The following JAKMIP2 variants were observed in gnomAD, a reference collection of about 807,000 sequenced individuals.
JAKMIP2 encodes the protein janus kinase and microtubule-interacting protein 2.
JAKMIP2 carries 25 observed loss-of-function variants against 115.0 expected under a neutral mutation model. That is an observed-to-expected ratio of 0.22 (90% CI 0.16 to 0.30). The LOEUF (loss-of-function observed/expected upper bound fraction) is 0.30. JAKMIP2 is among the 10% of genes least tolerant of loss of function. JAKMIP2 has a pLI of 1.00. For missense variants in JAKMIP2, 642 were observed against 957.6 expected, an observed-to-expected ratio of 0.67 and a Z score of 4.35; for synonymous variants, 334 against 343.6, an observed-to-expected ratio of 0.97 and a Z score of 0.31.
intron 21 of JAKMIP2, among the ~76,000 whole-genome samples, chr5:147,596,511 C>A (rs558091341): frequency 6.6e-6 from 1 of 152,146 alleles, no homozygotes; most frequent in African/African-American, 2.4e-5. Context: ...TTGAAAGATA[C>A]GACAACTCTA....
intron 21 of JAKMIP2, 60 bp downstream of exon 21, chr5:147,601,681 A>G: frequency 8.5e-7 from 1 of 1,172,258 alleles, no homozygotes; most frequent in Non-Finnish European, 1.2e-6. Flanking sequence ...AACTATAGGT[A>G]ACATCCTTTT....
At chr5:147,616,384 AC>A (rs1296518008) in intron 19 of JAKMIP2, among the ~76,000 whole-genome samples, 1 of 152,242 alleles carries the variant, frequency 6.6e-6, no homozygotes, top group Non-Finnish European at 1.5e-5. Context: ...TCAGAAATGT[AC>A]TATCAGCACT....
chr5:147,603,527 C>A (rs1755825332), intron 20 of JAKMIP2, among the ~76,000 whole-genome samples: 1 of 152,286 alleles, frequency 6.6e-6, no homozygotes, highest in South Asian at 2.1e-4. Context: ...GTATCTCTGG[C>A]ATACAGGATC....
At chr5:147,683,140 T>C (rs1204447757) in intron 1 of JAKMIP2, among the ~76,000 whole-genome samples, 1 of 152,162 alleles carries the variant, frequency 6.6e-6, no homozygotes, top group East Asian at 1.9e-4. Flanking sequence ...GCAAGAAACA[T>C]GCATCAGAGC....
At chr5:147,601,705 T>C (rs772775301) in intron 21 of JAKMIP2, 36 bp downstream of exon 21, 9 of 1,455,706 alleles carry the variant, frequency 6.2e-6, no homozygotes, top group Non-Finnish European at 8.3e-6. Context: ...CAAATACCTC[T>C]TAGAACCACA....
intron 1 of JAKMIP2, among the ~76,000 whole-genome samples, chr5:147,767,098 C>G (rs1258944425): frequency 6.6e-6 from 1 of 152,074 alleles, no homozygotes; most frequent in Non-Finnish European, 1.5e-5. Flanking sequence ...GTTAGCCTGG[C>G]AGCATACCAC....
At chr5:147,677,746 G>A (rs965508575) in intron 1 of JAKMIP2, among the ~76,000 whole-genome samples, 2 of 152,150 alleles carry the variant, frequency 1.3e-5, no homozygotes, top group African/African-American at 4.8e-5. Context: ...ACAATATGAT[G>A]TTTTGAAATA....
chr5:147,623,695 G>T lies in JAKMIP2; in HGVS notation c.1996-6C>A. ...CCTTCAATCTGCTGGATCCACTAAG[G>T]GGTTAACAAGACAAAAGTGTTTGAC... On this transcript the variant is annotated splice_region_variant and splice_polypyrimidine_tract_variant and intron_variant, in intron 16 of 21. Transcript: ENST00000616793. 1 of 1,604,446 alleles carries T rather than the reference G, an allele frequency of 6.2e-7. No homozygotes were observed. The highest frequency in any genetic ancestry group is 8.5e-7 in the Non-Finnish European group (1 of 1,171,300).
intron 16 of JAKMIP2, 60 bp downstream of exon 16, chr5:147,628,691 T>A (rs1757222226): frequency 3.1e-6 from 4 of 1,278,580 alleles, no homozygotes; most frequent in Admixed American, 1.7e-5. Flanking sequence ...CACCCTAGTC[T>A]GCTCGTTCAG....
intron 1 of JAKMIP2, among the ~76,000 whole-genome samples, chr5:147,693,870 G>A (rs964143195): frequency 6.6e-5 from 10 of 152,242 alleles, no homozygotes; most frequent in African/African-American, 2.4e-4. Context: ...CAAATAAATA[G>A]AATTTCATAA....
At position 147,634,710 on chromosome 5, in the gene JAKMIP2, T is replaced by C. The variant is rs190189363; in HGVS notation, c.1677+1512A>G. ...ATACCTGCCCACTCTGTATATAACA[T>C]ATACATCATCTATACATCTATGTGA... On this transcript the variant is annotated intron_variant, in intron 12 of 21. Transcript: ENST00000616793. Among the ~76,000 whole-genome samples, 54 of 152,038 alleles carry C rather than the reference T, an allele frequency of 3.6e-4. 1 individual carries two copies. The East Asian group carries it at 0.011, about 30-fold the overall frequency.
intron 1 of JAKMIP2, among the ~76,000 whole-genome samples, chr5:147,701,033 T>C (rs1300011405): frequency 6.6e-6 from 1 of 152,076 alleles, no homozygotes; most frequent in Admixed American, 6.6e-5. Flanking sequence ...TGAGATTATG[T>C]AGAGTCCTGT....
At chr5:147,702,644 GAAAGAAAGAAAGAAAGAA>G (rs1231901655) in intron 1 of JAKMIP2, among the ~76,000 whole-genome samples, 1 of 123,396 alleles carries the variant, frequency 8.1e-6, no homozygotes, top group African/African-American at 3.4e-5. Context: ...AAGAAAGAAA[GAAAGAAAGAAAGAAAGAA>G]AGAGAGAGAA....
intron 21 of JAKMIP2, among the ~76,000 whole-genome samples, 169 bp downstream of exon 21, chr5:147,601,572 C>T (rs1488226153): frequency 1.3e-5 from 2 of 151,980 alleles, no homozygotes; most frequent in African/African-American, 2.4e-5. Context: ...CACTGTATTC[C>T]AGCCTGGGTG....
intron 1 of JAKMIP2, among the ~76,000 whole-genome samples, chr5:147,750,893 C>T (rs753256189): frequency 6.7e-6 from 1 of 149,626 alleles, no homozygotes; most frequent in Admixed American, 6.7e-5. Context: ...GTAATTACCT[C>T]GACATCGGAC....
At chr5:147,723,117 T>G (rs1753383614) in intron 1 of JAKMIP2, among the ~76,000 whole-genome samples, 1 of 152,256 alleles carries the variant, frequency 6.6e-6, no homozygotes, top group East Asian at 1.9e-4. Context: ...ACTAGTAGGG[T>G]TGGCTTTCCT....
intron 3 of JAKMIP2, among the ~76,000 whole-genome samples, chr5:147,658,816 G>A (rs1758814721): frequency 6.6e-6 from 1 of 152,080 alleles, no homozygotes; most frequent in Non-Finnish European, 1.5e-5. Flanking sequence ...TCTCCCAGTC[G>A]CCTTAGCACA....
intron 1 of JAKMIP2, among the ~76,000 whole-genome samples, chr5:147,751,426 G>A (rs1196892518): frequency 6.6e-6 from 1 of 152,018 alleles, no homozygotes. Context: ...AAGGACTTTT[G>A]TATCTCTTTC....
intron 17 of JAKMIP2, among the ~76,000 whole-genome samples, chr5:147,621,668 T>A (rs1028101892): frequency 6.6e-6 from 1 of 152,132 alleles, no homozygotes; most frequent in Admixed American, 6.5e-5. Context: ...TAAAATAAAA[T>A]AACAAACTGT....
Sources: allele counts gnomAD v4.1 joint callset (sites outside exome capture counted in the v4.1 genomes callset), GRCh38; gene constraint gnomAD v4.1.1; transcripts MANE v1.5; gene names NCBI Gene and HGNC (gene_info 2026-07-23, HGNC 2026-07-21).